Variants in SCAF11 observed in about 807,000 individuals in gnomAD.
SCAF11 encodes protein SCAF11.
A neutral mutation model predicts 140.5 loss-of-function variants in SCAF11; 47 were observed. That is an observed-to-expected ratio of 0.33 (90% confidence interval 0.26 to 0.43). SCAF11 has a LOEUF of 0.43. SCAF11 is among the 20% of genes least tolerant of loss of function. SCAF11 has a pLI of 1.00. For missense variants in SCAF11, 1,645 were observed against 1,705.1 expected (o/e 0.96, Z 0.62); for synonymous variants, 557 against 579.4 (o/e 0.96, Z 0.55).
chr12:45,927,874 G>A lies in SCAF11; in HGVS notation c.1827C>T (p.Pro609=). ...TLKTEELIES[P]KLESSEGEII... ...TTTCACCCTCAGAAGATTCTAACTT[G>A]GGGCTCTCTATAAGCTCCTCTGTTT... Residue 609 remains proline (P), a synonymous_variant, in exon 11 of 15, where the codon CCC becomes CCT. Coordinates refer to ENST00000369367, the MANE Select transcript of SCAF11 (RefSeq NM_004719.3). 2 of 1,613,468 alleles carry A rather than the reference G, an allele frequency of 1.2e-6. No homozygotes were observed. The highest frequency in any genetic ancestry group is 1.7e-6 in the Non-Finnish European group (2 of 1,179,876).
chr12:45,957,251 T>G (rs1022348058), intron 3 of SCAF11, among the ~76,000 whole-genome samples: 1 of 152,156 alleles, frequency 6.6e-6, no homozygotes, highest in African/African-American at 2.4e-5. Context: ...AAAAATTGAT[T>G]GAAAATTCCA....
chr12:45,953,801 T>C (rs1945611849), intron 3 of SCAF11: 2 of 613,366 alleles, frequency 3.3e-6, no homozygotes, highest in South Asian at 3.2e-5. Flanking sequence ...GTAACCTTAT[T>C]TGTGAAAATG....
intron 2 of SCAF11, among the ~76,000 whole-genome samples, chr12:45,963,210 G>A (rs1242544061): frequency 1.3e-5 from 2 of 152,154 alleles, no homozygotes; most frequent in Non-Finnish European, 2.9e-5. Flanking sequence ...AAGAGGTAAT[G>A]GTCGGGAAAT....
In SCAF11 at chr12:45,961,927, T is replaced by C. The variant is rs1204906502; in HGVS notation, c.62-70A>G. On this transcript the variant is annotated intron_variant, in intron 2 of 14. Coordinates refer to ENST00000369367, the MANE Select transcript of SCAF11 (RefSeq NM_004719.3). ...CAAAAATCTTGTGTTTCTAGGAGTA[T>C]AGTGGATTAGATACTCTAAAGGACC... is the stretch of plus-strand genomic sequence containing the variant. 19 of 1,301,834 alleles carry C rather than the reference T, an allele frequency of 1.5e-5. No homozygotes were observed. In the African/African-American group the frequency reaches 1.7e-4, roughly 11 times the overall value. The allele number at this position is 1,301,834 out of a possible 1,614,324, so 80.6% of individuals were successfully genotyped here.
rs532657300 is a variant in SCAF11 at position 45,919,145 on chromosome 12, G to T, written c.*2903C>A. On this transcript the variant is annotated 3_prime_UTR_variant, in exon 15 of 15. Coordinates refer to ENST00000369367, the MANE Select transcript of SCAF11 (RefSeq NM_004719.3). ...TGTTAAAGACATTAGTTTATCAAAA[G>T]AATTTATTAGAAAATATTACACACT... The T allele has an allele frequency of 2.0e-5, 3 of 152,264 alleles. No homozygotes were observed. The highest frequency in any genetic ancestry group is 1.9e-4 in the East Asian group (1 of 5,184). The allele number at this position is 152,264 out of a possible 1,614,324, so 9.4% of individuals were successfully genotyped here.
intron 1 of SCAF11, among the ~76,000 whole-genome samples, chr12:45,984,747 T>A (rs1946424323): frequency 6.7e-6 from 1 of 148,276 alleles, no homozygotes; most frequent in Non-Finnish European, 1.5e-5. Context: ...CAGGCTGGAG[T>A]GCAGTGTGGT....
intron 1 of SCAF11, chr12:45,974,633 G>A (rs1946190314): frequency 5.4e-6 from 1 of 185,448 alleles, no homozygotes. Context: ...ATTCAGTCAT[G>A]TCTTCAGGCT....
chr12:45,923,042 G>A lies in SCAF11; in HGVS notation c.4019C>T (p.Thr1340Ile). 6.2e-7 allele frequency: 1 copy of A among 1,614,166 alleles called. No individual in the cohort carries two copies. Among genetic ancestry groups the A allele is most frequent in the Non-Finnish European group, 8.5e-7 (1 of 1,180,014 alleles). ...GMVQGPSSGN[T>I]SSSSHSKASN... ...GGCTTTGCTGTGACTTGATGACGAA[G>A]TATTACCAGAACTTGGTCCCTGAAC... The change falls in exon 13 of 15, where the codon ACT becomes ATT. Residue 1340 changes from threonine (T) to isoleucine (I), a missense_variant. Thr to Ile is a moderately conservative substitution (Grantham distance 89, BLOSUM62 -1). Transcript: ENST00000369367.
chr12:45,987,537 T>C (rs1025103194), intron 1 of SCAF11, among the ~76,000 whole-genome samples: 3 of 152,204 alleles, frequency 2.0e-5, no homozygotes, highest in Admixed American at 6.5e-5. Flanking sequence ...ACACAATATG[T>C]TGCAAAATGA....
At chr12:45,982,353 T>G (rs1946367105) in intron 1 of SCAF11, among the ~76,000 whole-genome samples, 1 of 152,152 alleles carries the variant, frequency 6.6e-6, no homozygotes, top group Non-Finnish European at 1.5e-5. Context: ...ACAGAATCAT[T>G]CTTCTTGACA....
In SCAF11 at chr12:45,926,486, C is replaced by A; in HGVS notation, c.3215G>T (p.Gly1072Val). ...TCTGCCACGGTTGCCTCTGCCTCTACCACGGTTAGATACCCAACCAGAACC... is the reference window on the plus strand; with the variant it reads ...TCTGCCACGGTTGCCTCTGCCTCTAACACGGTTAGATACCCAACCAGAACC... The part of the protein sequence containing the change: ...NFGSGWVSNR[G>V]RGRGNRGRGT... The change falls in exon 11 of 15, where the codon GGT becomes GTT. Residue 1072 changes from glycine (G) to valine (V), a missense_variant. Physicochemically the swap from Gly to Val is moderately radical, Grantham distance 109. Coordinates refer to ENST00000369367, the MANE Select transcript of SCAF11 (RefSeq NM_004719.3). 6.2e-7 allele frequency: 1 copy of A among 1,614,180 alleles called. No homozygotes were observed. The highest frequency in any genetic ancestry group is 8.5e-7 in the Non-Finnish European group (1 of 1,180,016).
chr12:45,949,155 C>T lies in SCAF11; in HGVS notation c.298-618G>A, dbSNP rs193258680. Among the ~76,000 whole-genome samples the T allele has an allele frequency of 1.2e-4, 19 of 152,212 alleles. No individual in the cohort carries two copies. In the East Asian group the frequency reaches 3.7e-3, roughly 29 times the overall value. On this transcript the variant is annotated intron_variant, in intron 4 of 14. Transcript: ENST00000369367. ...GGGGAATCAACCAGTTAAGGAGAGA[C>T]TATAAAAACCAGGCTCTTATAGATA...
intron 3 of SCAF11, among the ~76,000 whole-genome samples, chr12:45,958,558 T>C (rs1471687329): frequency 4.6e-5 from 7 of 152,356 alleles, no homozygotes; most frequent in South Asian, 2.1e-4. Flanking sequence ...AATTATTGTG[T>C]CATTGTTCAA....
Position 45,924,874 on chromosome 12 carries a change from G to A in SCAF11, c.3760C>T (p.Pro1254Ser). The change falls in exon 12 of 15, where the codon CCC becomes TCC. Residue 1254 changes from proline to serine, a missense_variant. Around this residue, in one of 2 missense-constraint regions of SCAF11, gnomAD observed 1,582 missense variants for 1,609.2 expected, o/e 0.98. Transcript: ENST00000369367. ...RNPFNIHPQL[P>S]LHLHTGVPLM... ...GGCACTCCTGTGTGGAGATGCAAGG[G>A]TAGCTGAGGATGAATGTTAAATGGA... 6.2e-7 allele frequency: 1 copy of A among 1,614,144 alleles called. No homozygotes were observed. Among genetic ancestry groups the A allele is most frequent in the African/African-American group, 1.3e-5 (1 of 75,016 alleles).
At chr12:45,984,949 C>A (rs898796079) in intron 1 of SCAF11, among the ~76,000 whole-genome samples, 2 of 152,208 alleles carry the variant, frequency 1.3e-5, no homozygotes, top group Admixed American at 6.5e-5. Context: ...CCTGCCTTGG[C>A]CTCCCAAAGT....
intron 1 of SCAF11, among the ~76,000 whole-genome samples, chr12:45,979,997 T>C (rs1296922223): frequency 2.0e-5 from 3 of 152,204 alleles, no homozygotes; most frequent in Non-Finnish European, 4.4e-5. Context: ...ACCTAGATTT[T>C]TGTGTAAGCG....
chr12:45,970,765 T>A (rs1461511019), intron 1 of SCAF11, among the ~76,000 whole-genome samples: 1 of 152,228 alleles, frequency 6.6e-6, no homozygotes, highest in East Asian at 1.9e-4. Context: ...GCTTACCAGA[T>A]AAATGGAAAA....
intron 1 of SCAF11, among the ~76,000 whole-genome samples, chr12:45,966,291 T>A (rs375180951): frequency 6.6e-6 from 1 of 151,570 alleles, no homozygotes; most frequent in African/African-American, 2.4e-5. Flanking sequence ...GGTAGAATAA[T>A]CTATCAATGA....
intron 3 of SCAF11, 50 bp from the exon 4 acceptor site, chr12:45,951,777 A>G: frequency 8.9e-7 from 1 of 1,129,610 alleles, no homozygotes. Context: ...CTTTAGATCA[A>G]AATTATAAAT....
Sources: gnomAD v4.1 joint callset for allele counts (sites outside exome capture counted in the v4.1 genomes callset) on GRCh38, gnomAD v4.1.1 for gene constraint, gnomAD v4.1.1 regional missense constraint, MANE v1.5 for transcripts, NCBI Gene and HGNC (gene_info 2026-07-23, HGNC 2026-07-21) for gene names.